Variants in AP1G2 observed in about 807,000 individuals in gnomAD.
The protein encoded by AP1G2 is adaptor related protein complex 1 subunit gamma 2.
Under a neutral mutation model 95.8 loss-of-function variants are expected in AP1G2, and 85 were observed. The ratio of observed to expected loss-of-function variants is 0.89; its 90% CI spans 0.74 to 1.06. The LOEUF is 1.06. Ranked by LOEUF, AP1G2 falls within the 50% of genes least tolerant of loss-of-function variation. AP1G2 has a pLI of 0.00. For missense variants in AP1G2, 967 were observed against 1,005.8 expected (o/e 0.96, Z 0.52); for synonymous variants, 378 against 400.0 (o/e 0.94, Z 0.66).
rs774522967 is a variant in AP1G2 at position 23,566,675 on chromosome 14, C to G, written c.216G>C (p.Leu72=). Residue 72 remains leucine (L), a synonymous_variant, in exon 3 of 22, where the codon CTG becomes CTC. Coordinates refer to ENST00000397120, the MANE Select transcript of AP1G2 (RefSeq NM_003917.5). ...YPAHFGQMEC[L]KLIASSRFTD... ...TGAATCTGGAGGAGGCGATCAGTTT[C>G]AGGCACTCCATCTATAGTGAAGGGG... The G allele has an allele frequency of 6.2e-7, 1 of 1,614,084 alleles. No individual in the cohort carries two copies. Among genetic ancestry groups the G allele is most frequent in the Admixed American group, 1.7e-5 (1 of 60,006 alleles).
chr14:23,566,985 G>A, intron 2 of AP1G2, 126 bp downstream of exon 2: 2 of 1,095,870 alleles, frequency 1.8e-6, no homozygotes, highest in Non-Finnish European at 2.6e-6. Context: ...GAGGTTTGCA[G>A]TGCAGGCTGT....
chr14:23,561,886 C>A, intron 17 of AP1G2, 76 bp downstream of exon 17: 1 of 1,528,272 alleles, frequency 6.5e-7, no homozygotes, highest in Non-Finnish European at 8.8e-7. Flanking sequence ...GAGGATGAGG[C>A]CCTTGTACCT....
Position 23,566,144 on chromosome 14 carries a change from A to T in AP1G2, c.488T>A (p.Val163Glu). The change falls in exon 5 of 22, where the codon GTG (valine) becomes GAG (glutamate). Residue 163 changes from valine to glutamate, a missense_variant. Val to Glu is a moderately radical substitution (Grantham distance 121). Coordinates refer to ENST00000397120, the MANE Select transcript of AP1G2 (RefSeq NM_003917.5). ...YVRKKAILTAVHMIRKVPELS... is the reference protein window; with the variant it reads ...YVRKKAILTAEHMIRKVPELS... ...TTCAGGGACCTTCCGGATCATGTGC[A>T]CTGCAGTCAGAATAGCCTGCAGAGG... The T allele has an allele frequency of 6.2e-7, 1 of 1,605,302 alleles. No homozygotes were observed. The highest frequency in any genetic ancestry group is 8.5e-7 in the Non-Finnish European group (1 of 1,174,594).
chr14:23,565,709 G>A lies in AP1G2; in HGVS notation c.646-8C>T, dbSNP rs375494563. The A allele has an allele frequency of 6.2e-7, 1 of 1,612,940 alleles. No individual in the cohort carries two copies. The highest frequency in any genetic ancestry group is 8.5e-7 in the Non-Finnish European group (1 of 1,178,892). On this transcript the variant is annotated splice_polypyrimidine_tract_variant and splice_region_variant and intron_variant, in intron 6 of 21. Coordinates refer to ENST00000397120, the MANE Select transcript of AP1G2 (RefSeq NM_003917.5). ...TACCAGCTGGGGTACCACCTGGAGG[G>A]AGGGCACAACTTTGGGCATTCGTTC...
chr14:23,565,994 G>T (rs1003363203), intron 5 of AP1G2, 70 bp downstream of exon 5: 1 of 1,613,130 alleles, frequency 6.2e-7, no homozygotes, highest in Non-Finnish European at 8.5e-7. Context: ...GTGAGCTGGG[G>T]TTCCCATCCG....
At chr14:23,562,759 AGAG>A in intron 14 of AP1G2, 166 bp from the exon 15 acceptor site, 1 of 547,848 alleles carries the variant, frequency 1.8e-6, no homozygotes, top group Non-Finnish European at 2.9e-6. Flanking sequence ...AAAAAAAAAG[AGAG>A]AGAGAGAAAG....
At chr14:23,560,107 G>A in intron 20 of AP1G2, 71 bp from the exon 21 acceptor site, 2 of 1,409,734 alleles carry the variant, frequency 1.4e-6, no homozygotes, top group Non-Finnish European at 2.0e-6. Context: ...TATACTCAGT[G>A]GCTCCACACC....
chr14:23,564,726 G>T, intron 8 of AP1G2, 66 bp from the exon 9 acceptor site: 2 of 1,458,756 alleles, frequency 1.4e-6, no homozygotes, highest in Admixed American at 1.7e-5. Flanking sequence ...TTTTGATACA[G>T]GGTCTCACTC....
chr14:23,565,710 AGGGCACAACTTT>A lies in AP1G2; in HGVS notation c.646-21_646-10del. 1 of 1,612,838 alleles carries A rather than the reference AGGGCACAACTTT, an allele frequency of 6.2e-7. No individual in the cohort carries two copies. The highest frequency in any genetic ancestry group is 2.2e-5 in the East Asian group (1 of 44,868). On this transcript the variant is annotated splice_polypyrimidine_tract_variant and intron_variant, in intron 6 of 21. Transcript: ENST00000397120. ...ACCAGCTGGGGTACCACCTGGAGGG[AGGGCACAACTTT>A]GGGCATTCGTTCTAATCCTCTCCAG...
chr14:23,562,313 T>G lies in AP1G2; in HGVS notation c.1603A>C (p.Ser535Arg). Residue 535 changes from serine (S) to arginine (R), a missense_variant, in exon 16 of 22, where the codon AGC (serine) becomes CGC (arginine). Physicochemically the swap from Ser to Arg is moderately radical, Grantham distance 110. Coordinates refer to ENST00000397120, the MANE Select transcript of AP1G2 (RefSeq NM_003917.5). ...GYALTALMKL[S>R]TRLCGDNNRI... ...TTGTTGTCCCCACAGAGGCGAGTGCTGAGCTTCATGAGGGCTGTGAGGGCA... is the reference window on the plus strand; with the variant it reads ...TTGTTGTCCCCACAGAGGCGAGTGCGGAGCTTCATGAGGGCTGTGAGGGCA... The G allele has an allele frequency of 6.2e-7, 1 of 1,614,128 alleles. No individual in the cohort carries two copies. Among genetic ancestry groups the G allele is most frequent in the Non-Finnish European group, 8.5e-7 (1 of 1,179,954 alleles).
At position 23,565,470 on chromosome 14, in the gene AP1G2, C is replaced by T. The variant is rs553068008; in HGVS notation, c.741+136G>A. ...TCCCCTCACAGGTCCTGGGATGACC[C>T]GAGCAATCCTGTGCCTGCTACTCTG... On this transcript the variant is annotated intron_variant, in intron 7 of 21. Coordinates refer to ENST00000397120, the MANE Select transcript of AP1G2 (RefSeq NM_003917.5). 67 of 812,290 alleles carry T rather than the reference C, an allele frequency of 8.2e-5. 1 individual carries two copies. Among genetic ancestry groups the T allele is most frequent in the African/African-American group, 3.6e-4 (21 of 58,578 alleles). The allele number at this position is 812,290 out of a possible 1,614,324, so 50.3% of individuals were successfully genotyped here. A position where few individuals can be genotyped will look rare whatever the true frequency, so the allele number is the denominator to read the frequency against.
chr14:23,561,690 A>G, intron 17 of AP1G2, 55 bp from the exon 18 acceptor site: 1 of 1,599,256 alleles, frequency 6.3e-7, no homozygotes, highest in Non-Finnish European at 8.5e-7. Context: ...CTTTCACAAG[A>G]GGCATCTAGG....
At chr14:23,563,116 A>G in intron 14 of AP1G2, 3 of 1,375,600 alleles carry the variant, frequency 2.2e-6, no homozygotes, top group Middle Eastern at 2.7e-4. Flanking sequence ...AAGAGCTTTA[A>G]TCTCAAGGCA....
chr14:23,560,189 T>C, intron 20 of AP1G2, 66 bp downstream of exon 20: 2 of 1,576,682 alleles, frequency 1.3e-6, no homozygotes, highest in Non-Finnish European at 1.7e-6. Flanking sequence ...CCCACCCACC[T>C]CCTCCACTTA....
chr14:23,564,544 A>G lies in AP1G2; in HGVS notation c.921+18T>C. ...GTGGTGGGCGGGGCCGTAGTGGGAG[A>G]GGCATAAGGGGTGATACCCGTAGGC... On this transcript the variant is annotated intron_variant, in intron 9 of 21. Transcript: ENST00000397120. 6.2e-7 allele frequency: 1 copy of G among 1,611,062 alleles called. No homozygotes were observed. Among genetic ancestry groups the G allele is most frequent in the Non-Finnish European group, 8.5e-7 (1 of 1,178,092 alleles).
At chr14:23,561,713 A>C (rs1884791925) in intron 17 of AP1G2, 78 bp from the exon 18 acceptor site, 2 of 1,571,840 alleles carry the variant, frequency 1.3e-6, no homozygotes, top group East Asian at 4.6e-5. Flanking sequence ...GAGGACTAGG[A>C]ATATGGAGCC....
intron 7 of AP1G2, 94 bp downstream of exon 7, chr14:23,565,512 G>A (rs771088849): frequency 2.5e-4 from 290 of 1,138,448 alleles, no homozygotes; most frequent in Non-Finnish European, 3.6e-4. Context: ...AGGACACTGA[G>A]AGAACCAGTG....
In AP1G2 at chr14:23,565,715, A is replaced by G; in HGVS notation, c.646-14T>C. On this transcript the variant is annotated splice_polypyrimidine_tract_variant and intron_variant, in intron 6 of 21. Coordinates refer to ENST00000397120, the MANE Select transcript of AP1G2 (RefSeq NM_003917.5). ...CTGGGGTACCACCTGGAGGGAGGGCACAACTTTGGGCATTCGTTCTAATCC... is the reference window on the plus strand; with the variant it reads ...CTGGGGTACCACCTGGAGGGAGGGCGCAACTTTGGGCATTCGTTCTAATCC... 6.2e-7 allele frequency: 1 copy of G among 1,612,504 alleles called. No individual in the cohort carries two copies. The highest frequency in any genetic ancestry group is 1.1e-5 in the South Asian group (1 of 91,048).
Position 23,563,305 on chromosome 14 carries a change from AG to A in AP1G2, c.1410+74del. Reference sequence around the variant, plus strand: ...GACCTTGAGAGAAAAATTGGAATCTAGTAGGGAGGAGGTGGCCCAGGATGGG... The same window carrying A: ...GACCTTGAGAGAAAAATTGGAATCTATAGGGAGGAGGTGGCCCAGGATGGG... On this transcript the variant is annotated intron_variant, in intron 14 of 21. Coordinates refer to ENST00000397120, the MANE Select transcript of AP1G2 (RefSeq NM_003917.5). 1.9e-6 allele frequency: 3 copies of A among 1,541,510 alleles called. No homozygotes were observed. The South Asian group carries it at 3.6e-5, about 19-fold the overall frequency.
Sources: gnomAD v4.1 joint callset for allele counts on GRCh38, gnomAD v4.1.1 for gene constraint, MANE v1.5 for transcripts, NCBI Gene and HGNC (gene_info 2026-07-23, HGNC 2026-07-21) for gene names.